The following ANKS1B variants were observed in gnomAD, a reference collection of about 807,000 sequenced individuals.
ANKS1B encodes the protein ankyrin repeat and sterile alpha motif domain containing 1B.
A neutral mutation model predicts 148.3 loss-of-function variants in ANKS1B; 36 were observed. The observed-to-expected ratio is 0.24, with a 90% CI of 0.19 to 0.32. The LOEUF (loss-of-function observed/expected upper bound fraction) is 0.32, where lower values mean the gene tolerates loss of function less well. Ranked by LOEUF, ANKS1B falls within the 10% of genes least tolerant of loss-of-function variation. The pLI is 1.00. For synonymous variants in ANKS1B, 542 were observed against 560.8 expected, an observed-to-expected ratio of 0.97 and a Z score of 0.47; for missense variants, 1,157 against 1,542.6, an observed-to-expected ratio of 0.75 and a Z score of 4.19.
intron 22 of ANKS1B, among the ~76,000 whole-genome samples, chr12:98,793,680 T>G (rs1262999041): frequency 6.6e-6 from 1 of 152,144 alleles, no homozygotes; most frequent in African/African-American, 2.4e-5. Context: ...TAAGAGAAAT[T>G]TCCTTGAGAA....
At chr12:99,641,711 A>G (rs1163678163) in intron 9 of ANKS1B, among the ~76,000 whole-genome samples, 2 of 152,238 alleles carry the variant, frequency 1.3e-5, no homozygotes, top group East Asian at 1.9e-4. Flanking sequence ...TGATATCAAT[A>G]TCAAAATGAT....
chr12:99,789,769 A>G (rs1487503722), intron 4 of ANKS1B, among the ~76,000 whole-genome samples: 1 of 152,182 alleles, frequency 6.6e-6, no homozygotes, highest in Non-Finnish European at 1.5e-5. Flanking sequence ...GTCTACAGCC[A>G]TACCGCCCCA....
intron 9 of ANKS1B, among the ~76,000 whole-genome samples, chr12:99,507,219 G>C (rs566601456): frequency 6.6e-6 from 1 of 151,870 alleles, no homozygotes; most frequent in East Asian, 1.9e-4. Context: ...TGGAAAAAAA[G>C]AGTCTCCAGT....
At chr12:99,139,559 G>T (rs1043616089) in intron 15 of ANKS1B, among the ~76,000 whole-genome samples, 1 of 145,574 alleles carries the variant, frequency 6.9e-6, no homozygotes, top group African/African-American at 2.6e-5. Flanking sequence ...GATTACAGGT[G>T]CAAGCCACTG....
At position 99,173,312 on chromosome 12, in the gene ANKS1B, T is replaced by C. The variant is rs1301533870; in HGVS notation, c.2420-18917A>G. On this transcript the variant is annotated intron_variant, in intron 14 of 26. Transcript: ENST00000683438. ...AAAAATGTCTCAACCTGAAAATTAA[T>C]GCTTATTTCCATTTTCTACTAATAT... is the stretch of plus-strand genomic sequence containing the variant. 3.3e-5 allele frequency among the ~76,000 whole-genome samples: 5 copies of C among 152,314 alleles called. No homozygotes were observed. The East Asian group carries it at 5.8e-4, about 18-fold the overall frequency.
At position 99,561,284 on chromosome 12, in the gene ANKS1B, A is replaced by G. The variant is rs148017289; in HGVS notation, c.1273-56643T>C. 2.8e-3 allele frequency among the ~76,000 whole-genome samples: 421 copies of G among 152,296 alleles called. 1 individual carries two copies. Among genetic ancestry groups the G allele is most frequent in the African/African-American group, 9.0e-3 (376 of 41,576 alleles). On this transcript the variant is annotated intron_variant, in intron 9 of 26. Transcript: ENST00000683438. ...AGAACTTCTTTCAAAATCGGAGTCA[A>G]TCCTCTCAAACCCTGCCACTACTTT... is the stretch of plus-strand genomic sequence containing the variant.
At chr12:99,897,846 A>T (rs1453449154) in intron 1 of ANKS1B, among the ~76,000 whole-genome samples, 1 of 141,952 alleles carries the variant, frequency 7.0e-6, no homozygotes, top group Non-Finnish European at 1.5e-5. Context: ...TTTGAAAATT[A>T]AAAGTTAAAA....
At chr12:99,629,957 C>A (rs1170794702) in intron 9 of ANKS1B, among the ~76,000 whole-genome samples, 1 of 152,080 alleles carries the variant, frequency 6.6e-6, no homozygotes, top group Non-Finnish European at 1.5e-5. Flanking sequence ...AAATTTAGAT[C>A]TACCTGTCTT....
intron 20 of ANKS1B, among the ~76,000 whole-genome samples, chr12:98,802,594 C>CTTTTTTTTTTTT (rs397850118): frequency 8.6e-5 from 3 of 34,790 alleles, no homozygotes; most frequent in Non-Finnish European, 1.5e-4. Flanking sequence ...AATGCACAGG[C>CTTTTTTTTTTTT]TTTTTTTTTT....
chr12:99,811,222 C>T (rs766362745), intron 3 of ANKS1B, among the ~76,000 whole-genome samples: 4 of 151,914 alleles, frequency 2.6e-5, no homozygotes, highest in Non-Finnish European at 5.9e-5. Context: ...ATCCTTCAGT[C>T]TGAATTTCAA....
Position 99,494,687 on chromosome 12 carries a change from C to A in ANKS1B, c.1438+9789G>T, listed in dbSNP as rs138096539. 4.8e-3 allele frequency among the ~76,000 whole-genome samples: 662 copies of A among 138,166 alleles called. 29 individuals are homozygous for A. The South Asian group carries it at 0.071, about 15-fold the overall frequency. 90.6% of individuals were successfully genotyped at this position (138,166 alleles called of 152,430 possible). A position where few individuals can be genotyped will look rare whatever the true frequency, so the allele number is the denominator to read the frequency against. On this transcript the variant is annotated intron_variant, in intron 10 of 26. Transcript: ENST00000683438. ...GGCGGAGCTTGTAGTGAGCCGAGAT[C>A]GTGCCCCTGCACTCCAGCCTAGGTG... is the stretch of plus-strand genomic sequence containing the variant.
intron 9 of ANKS1B, among the ~76,000 whole-genome samples, chr12:99,555,580 A>T (rs2097267589): frequency 6.6e-6 from 1 of 152,076 alleles, no homozygotes; most frequent in African/African-American, 2.4e-5. Flanking sequence ...TGGGTTTGTC[A>T]TAGATGTCTG....
intron 11 of ANKS1B, among the ~76,000 whole-genome samples, chr12:99,412,598 T>C (rs988399649): frequency 1.3e-5 from 2 of 152,206 alleles, no homozygotes; most frequent in African/African-American, 4.8e-5. Flanking sequence ...TATTTGATTT[T>C]ATCTTTTAGA....
At chr12:99,690,546 G>A (rs1484032102) in intron 8 of ANKS1B, among the ~76,000 whole-genome samples, 1 of 152,146 alleles carries the variant, frequency 6.6e-6, no homozygotes, top group Non-Finnish European at 1.5e-5. Flanking sequence ...AGAAAAAGGA[G>A]CTACAGGCCC....
At chr12:99,572,879 A>T (rs1424539564) in intron 9 of ANKS1B, among the ~76,000 whole-genome samples, 1 of 152,112 alleles carries the variant, frequency 6.6e-6, no homozygotes, top group Non-Finnish European at 1.5e-5. Flanking sequence ...TACAAGATAC[A>T]TATAATATGT....
At chr12:99,752,963 A>T (rs1280068370) in intron 8 of ANKS1B, among the ~76,000 whole-genome samples, 1 of 152,098 alleles carries the variant, frequency 6.6e-6, no homozygotes, top group Non-Finnish European at 1.5e-5. Context: ...GAACAATGTC[A>T]TTCAACCTCC....
At chr12:98,963,077 AAAAT>A (rs1415960458) in intron 17 of ANKS1B, among the ~76,000 whole-genome samples, 16 of 152,236 alleles carry the variant, frequency 1.1e-4, no homozygotes, top group African/African-American at 1.2e-4. Context: ...TTAGTGGAAG[AAAAT>A]AAATAAAGAT....
In ANKS1B at chr12:99,335,513, C is replaced by T. The variant is rs767215047; in HGVS notation, c.1756+64118G>A. On this transcript the variant is annotated intron_variant, in intron 12 of 26. Transcript: ENST00000683438. ...CCACCTGGTTCCCAGCTACCCTTCC[C>T]AGCCTCTAGTAACCACCATTTTATT... Among the ~76,000 whole-genome samples the T allele has an allele frequency of 2.6e-5, 4 of 151,762 alleles. No individual in the cohort carries two copies. In the Admixed American group the frequency reaches 2.6e-4, roughly 10 times the overall value.
At chr12:98,794,260 C>T (rs1566584801) in intron 22 of ANKS1B, among the ~76,000 whole-genome samples, 1 of 151,852 alleles carries the variant, frequency 6.6e-6, no homozygotes, top group East Asian at 1.9e-4. Context: ...GGCATGGTGG[C>T]AGGCGCCTGT....
Sources: gnomAD v4.1 joint callset for allele counts (sites outside exome capture counted in the v4.1 genomes callset) on GRCh38, gnomAD v4.1.1 for gene constraint, MANE v1.5 for transcripts, NCBI Gene and HGNC (gene_info 2026-07-23, HGNC 2026-07-21) for gene names.